The following APPBP2 variants were observed in gnomAD, a reference collection of about 807,000 sequenced individuals.
The protein encoded by APPBP2 is amyloid beta precursor protein binding protein 2, also known as amyloid protein-binding protein 2.
In APPBP2, 15 loss-of-function variants were observed where a neutral mutation model predicts 76.0. That is an observed-to-expected ratio of 0.20 (90% CI 0.13 to 0.30). The LOEUF is 0.30. Ranked by LOEUF, APPBP2 falls within the 10% of genes least tolerant of loss-of-function variation. The probability of loss-of-function intolerance (pLI) is 1.00; values close to 1 mark genes in which losing one functional copy is unlikely to be tolerated. For synonymous variants in APPBP2, 222 were observed against 242.2 expected, an observed-to-expected ratio of 0.92 and a Z score of 0.77; for missense variants, 401 against 687.2, an observed-to-expected ratio of 0.58 and a Z score of 4.66.
intron 2 of APPBP2, among the ~76,000 whole-genome samples, chr17:60,499,502 A>T (rs2090805184): frequency 6.6e-6 from 1 of 152,202 alleles, no homozygotes; most frequent in African/African-American, 2.4e-5. Flanking sequence ...AGTCAAACTA[A>T]GTCTCTTAAA....
intron 4 of APPBP2, among the ~76,000 whole-genome samples, chr17:60,467,703 G>A (rs191170719): frequency 6.6e-6 from 1 of 152,208 alleles, no homozygotes; most frequent in Non-Finnish European, 1.5e-5. Context: ...ATTTAGGGTA[G>A]ACAGGGAAGA....
rs72415327 is a variant in APPBP2 at position 60,475,648 on chromosome 17, T to TACACACACACACACAC, written c.503+3484_503+3499dup. On this transcript the variant is annotated intron_variant, in intron 4 of 12. Coordinates refer to ENST00000083182, the MANE Select transcript of APPBP2 (RefSeq NM_006380.5). ...CTTTCAATCCACATTCAACTCTTTA[T>TACACACACACACACAC]ACACACACACACACACACACACACA... Among the ~76,000 whole-genome samples the TACACACACACACACAC allele has an allele frequency of 1.1e-3, 136 of 129,256 alleles. 1 individual carries two copies. Among genetic ancestry groups the TACACACACACACACAC allele is most frequent in the African/African-American group, 3.9e-3 (128 of 32,942 alleles). 84.8% of individuals were successfully genotyped at this position (129,256 alleles called of 152,430 possible). A position where few individuals can be genotyped will look rare whatever the true frequency, so the allele number is the denominator to read the frequency against.
chr17:60,476,870 C>T (rs1192747685), intron 4 of APPBP2, among the ~76,000 whole-genome samples: 4 of 152,198 alleles, frequency 2.6e-5, no homozygotes, highest in Non-Finnish European at 4.4e-5. Flanking sequence ...TGAGCCACTG[C>T]ACCCAGCCAG....
At chr17:60,487,019 G>C (rs898966912) in intron 3 of APPBP2, among the ~76,000 whole-genome samples, 2 of 152,104 alleles carry the variant, frequency 1.3e-5, no homozygotes, top group African/African-American at 4.8e-5. Context: ...TTGAATATTG[G>C]CCCCCACTCT....
At chr17:60,481,439 A>AT (rs1472320235) in intron 3 of APPBP2, among the ~76,000 whole-genome samples, 1 of 152,148 alleles carries the variant, frequency 6.6e-6, no homozygotes, top group Non-Finnish European at 1.5e-5. Context: ...ATAAATAAAT[A>AT]TTTTTTATGC....
At chr17:60,508,122 G>C (rs1226706675) in intron 1 of APPBP2, among the ~76,000 whole-genome samples, 3 of 152,062 alleles carry the variant, frequency 2.0e-5, no homozygotes, top group Admixed American at 2.0e-4. Flanking sequence ...ACAGGTGCGA[G>C]CCACCAATGC....
At chr17:60,505,221 G>A (rs2090856797) in intron 1 of APPBP2, among the ~76,000 whole-genome samples, 1 of 152,234 alleles carries the variant, frequency 6.6e-6, no homozygotes, top group Admixed American at 6.5e-5. Context: ...GGTCCACACA[G>A]TAACCAGAAT....
chr17:60,507,257 C>T (rs997083001), intron 1 of APPBP2, among the ~76,000 whole-genome samples: 2 of 151,126 alleles, frequency 1.3e-5, no homozygotes, highest in Non-Finnish European at 2.9e-5. Flanking sequence ...AGTCTCATTC[C>T]ATCACCCAAG....
At position 60,443,942 on chromosome 17, in the gene APPBP2, G is replaced by A. The variant is rs1009226579; in HGVS notation, c.*3639C>T. 2 of 152,490 alleles carry A rather than the reference G, an allele frequency of 1.3e-5. No homozygotes were observed. The highest frequency in any genetic ancestry group is 4.8e-5 in the African/African-American group (2 of 41,408). 9.4% of individuals were successfully genotyped at this position (152,490 alleles called of 1,614,324 possible). A position where few individuals can be genotyped will look rare whatever the true frequency, so the allele number is the denominator to read the frequency against. On this transcript the variant is annotated 3_prime_UTR_variant, in exon 13 of 13. Coordinates refer to ENST00000083182, the MANE Select transcript of APPBP2 (RefSeq NM_006380.5). Reference sequence around the variant, plus strand: ...CAAAAGAAGTACTGTTGAAGCTGGAGATTAATCCAAATGTCATATTAACAA... The same window carrying A: ...CAAAAGAAGTACTGTTGAAGCTGGAAATTAATCCAAATGTCATATTAACAA...
chr17:60,485,014 A>C (rs893197759), intron 3 of APPBP2, among the ~76,000 whole-genome samples: 4 of 151,820 alleles, frequency 2.6e-5, no homozygotes, highest in African/African-American at 9.7e-5. Context: ...ACGTTTATTG[A>C]TTTGCATATG....
chr17:60,504,722 C>T (rs924898005), intron 1 of APPBP2, among the ~76,000 whole-genome samples: 9 of 152,118 alleles, frequency 5.9e-5, no homozygotes, highest in Non-Finnish European at 8.8e-5. Context: ...AAGAATTGCA[C>T]AAAGTCAGGA....
chr17:60,453,101 G>C (rs1419240058), intron 11 of APPBP2, among the ~76,000 whole-genome samples: 1 of 152,064 alleles, frequency 6.6e-6, no homozygotes, highest in East Asian at 1.9e-4. Context: ...TATATATCAA[G>C]AACTATATAC....
chr17:60,490,541 T>C (rs755478034), intron 3 of APPBP2, among the ~76,000 whole-genome samples: 5 of 152,166 alleles, frequency 3.3e-5, no homozygotes, highest in Non-Finnish European at 5.9e-5. Flanking sequence ...TGTTGACACA[T>C]GCCTGTTGTC....
chr17:60,482,452 A>T (rs1008707690), intron 3 of APPBP2, among the ~76,000 whole-genome samples: 1 of 152,138 alleles, frequency 6.6e-6, no homozygotes, highest in Non-Finnish European at 1.5e-5. Flanking sequence ...AGGATTAAAA[A>T]TTTATTATTA....
In APPBP2 at chr17:60,494,456, C is replaced by CATT; in HGVS notation, c.379+7_379+9dup. ...ACAGGACAAAATACTTCTGTTCCACCATTACTTACCTAAAACAAAGCCAAC... is the reference window on the plus strand; with the variant it reads ...ACAGGACAAAATACTTCTGTTCCACCATTATTACTTACCTAAAACAAAGCCAAC... On this transcript the variant is annotated intron_variant, in intron 3 of 12. Transcript: ENST00000083182. 6.2e-7 allele frequency: 1 copy of CATT among 1,602,946 alleles called. No individual in the cohort carries two copies. Among genetic ancestry groups the CATT allele is most frequent in the Non-Finnish European group, 8.5e-7 (1 of 1,177,774 alleles).
chr17:60,474,165 CATTTTTTTTTT>C (rs1294778844), intron 4 of APPBP2, among the ~76,000 whole-genome samples: 2 of 151,360 alleles, frequency 1.3e-5, no homozygotes, highest in African/African-American at 2.4e-5. Context: ...TGTTAAATTT[CATTTTTTTTTT>C]ATTTTTTTTT....
At chr17:60,470,704 A>G (rs2090545729) in intron 4 of APPBP2, among the ~76,000 whole-genome samples, 1 of 151,492 alleles carries the variant, frequency 6.6e-6, no homozygotes, top group African/African-American at 2.4e-5. Flanking sequence ...CAGCCTCCAG[A>G]GTAGCTTGGA....
chr17:60,488,516 G>A (rs1019897183), intron 3 of APPBP2, among the ~76,000 whole-genome samples: 3 of 152,172 alleles, frequency 2.0e-5, no homozygotes, highest in African/African-American at 7.2e-5. Flanking sequence ...AGAGAAATGG[G>A]AGTGACTGCT....
At chr17:60,512,155 T>A (rs1448975662) in intron 1 of APPBP2, among the ~76,000 whole-genome samples, 1 of 151,592 alleles carries the variant, frequency 6.6e-6, no homozygotes, top group African/African-American at 2.4e-5. Context: ...CAGGCTGGAG[T>A]ACAGTGGCCC....
Sources: gnomAD v4.1 joint callset for allele counts (sites outside exome capture counted in the v4.1 genomes callset) on GRCh38, gnomAD v4.1.1 for gene constraint, MANE v1.5 for transcripts, NCBI Gene and HGNC (gene_info 2026-07-23, HGNC 2026-07-21) for gene names.